Variants in RCCD1 observed in about 807,000 individuals in gnomAD.
RCCD1 encodes RCC1 domain-containing protein 1.
A neutral mutation model predicts 37.6 loss-of-function variants in RCCD1; 40 were observed. That is an observed-to-expected ratio of 1.06 (90% CI 0.83 to 1.39). The LOEUF is 1.39. Ranked by LOEUF, RCCD1 falls within the 40% of genes most tolerant of loss-of-function variation. RCCD1 has a pLI of 0.00. For synonymous variants in RCCD1, 263 were observed against 230.0 expected, an observed-to-expected ratio of 1.14 and a Z score of -1.30; for missense variants, 577 against 517.3, an observed-to-expected ratio of 1.12 and a Z score of -1.12.
At chr15:90,957,794 T>C in intron 4 of RCCD1, 69 bp downstream of exon 4, 1 of 1,536,330 alleles carries the variant, frequency 6.5e-7, no homozygotes, top group Non-Finnish European at 8.8e-7. Flanking sequence ...GTTTTCCAGT[T>C]TGGGTGGGGG....
rs1475599728 is a variant in RCCD1 at position 90,956,826 on chromosome 15, G to GCCC, written c.94_96dup (p.Pro32dup). ...TCCGGACGCGGGCGCCAGGTGCACAGCCCCAGTCCGCTGCGGGCGGGCGTC... is the reference window on the plus strand; with the variant it reads ...TCCGGACGCGGGCGCCAGGTGCACAGCCCCCCCAGTCCGCTGCGGGCGGGCGTC... On this transcript the variant is annotated inframe_insertion, in exon 2 of 8. Transcript: ENST00000394258. The GCCC allele has an allele frequency of 1.5e-6, 2 of 1,302,636 alleles. No homozygotes were observed. Among genetic ancestry groups the GCCC allele is most frequent in the Non-Finnish European group, 1.9e-6 (2 of 1,025,714 alleles). The allele number at this position is 1,302,636 out of a possible 1,614,324, so 80.7% of individuals were successfully genotyped here. A position where few individuals can be genotyped will look rare whatever the true frequency, so the allele number is the denominator to read the frequency against.
At position 90,960,465 on chromosome 15, in the gene RCCD1, A is replaced by T; in HGVS notation, c.916A>T (p.Ser306Cys). The T allele has an allele frequency of 6.2e-7, 1 of 1,612,254 alleles. No individual in the cohort carries two copies. The change falls in exon 6 of 8, where the codon AGC (serine) becomes TGC (cysteine). Residue 306 changes from serine to cysteine, a missense_variant. Coordinates refer to ENST00000394258, the MANE Select transcript of RCCD1 (RefSeq NM_001017919.2). Reference protein sequence around the residue: ...LPMGSDAVKASCGSRHTAVVT... With the variant: ...LPMGSDAVKACCGSRHTAVVT... ...CATGGGCTCAGATGCAGTCAAGGCC[A>T]GCTGTGGATCCCGGCACACAGCTGT...
chr15:90,960,557 T>C (rs1245770453), intron 6 of RCCD1, 59 bp downstream of exon 6: 6 of 1,523,490 alleles, frequency 3.9e-6, no homozygotes, highest in African/African-American at 1.4e-5. Context: ...GAAGGGGGTG[T>C]GGTCGACGGA....
At chr15:90,957,770 A>G in intron 4 of RCCD1, 45 bp downstream of exon 4, 1 of 1,551,382 alleles carries the variant, frequency 6.4e-7, no homozygotes, top group Non-Finnish European at 8.7e-7. Flanking sequence ...GATCTTGTGC[A>G]AACCTTCCTC....
rs1207915792 is a variant in RCCD1, at chr15:90,956,913, C to T, written c.166+13C>T. ...GCTTTCGTGACCCGTGAGCACTCCC[C>T]GCCCCGTCCCCACTTATTCCAGCCG... On this transcript the variant is annotated intron_variant, in intron 2 of 7. Coordinates refer to ENST00000394258, the MANE Select transcript of RCCD1 (RefSeq NM_001017919.2). 3.1e-6 allele frequency: 4 copies of T among 1,279,956 alleles called. No individual in the cohort carries two copies. The highest frequency in any genetic ancestry group is 3.0e-6 in the Non-Finnish European group (3 of 1,015,176). The allele number at this position is 1,279,956 out of a possible 1,614,324, so 79.3% of individuals were successfully genotyped here.
At chr15:90,958,401 A>C (rs1373909105) in intron 4 of RCCD1, among the ~76,000 whole-genome samples, 3 of 151,940 alleles carry the variant, frequency 2.0e-5, no homozygotes, top group Admixed American at 2.0e-4. Flanking sequence ...GGCCGAGGTG[A>C]GTGGATCACG....
chr15:90,961,328 A>G (rs2037310477), intron 7 of RCCD1: 1 of 583,132 alleles, frequency 1.7e-6, no homozygotes, highest in Non-Finnish European at 3.0e-6. Flanking sequence ...CTTACAAAGC[A>G]GCTTTTTGTG....
chr15:90,960,913 C>G (rs2037302021), intron 6 of RCCD1, 112 bp from the exon 7 acceptor site: 1 of 979,920 alleles, frequency 1.0e-6, no homozygotes, highest in African/African-American at 1.6e-5. Context: ...CCATGCCAGG[C>G]AGATCTCATG....
chr15:90,961,018 C>T lies in RCCD1; in HGVS notation c.950-7C>T. 6.3e-7 allele frequency: 1 copy of T among 1,590,188 alleles called. No individual in the cohort carries two copies. Reference sequence around the variant, plus strand: ...GTGACAACTATCGATTGTCCTTTTGCTTTCAGGAACAGGGGAGCTCTACAC... The same window carrying T: ...GTGACAACTATCGATTGTCCTTTTGTTTTCAGGAACAGGGGAGCTCTACAC... On this transcript the variant is annotated splice_region_variant and splice_polypyrimidine_tract_variant and intron_variant, in intron 6 of 7. Coordinates refer to ENST00000394258, the MANE Select transcript of RCCD1 (RefSeq NM_001017919.2).
At chr15:90,960,286 C>G in intron 5 of RCCD1, 42 bp from the exon 6 acceptor site, 1 of 1,547,326 alleles carries the variant, frequency 6.5e-7, no homozygotes, top group Non-Finnish European at 8.8e-7. Flanking sequence ...AGATTTAGCT[C>G]AGGGCTCAGT....
rs771763457 is a variant in RCCD1, at chr15:90,957,585, G to T, written c.558-19G>T. The T allele has an allele frequency of 3.1e-6, 5 of 1,613,876 alleles. No homozygotes were observed. Among genetic ancestry groups the T allele is most frequent in the South Asian group, 1.1e-5 (1 of 91,076 alleles). The stretch of plus-strand genomic sequence containing the variant: ...ACCCCTTAATGCGACTGTAGCTGAC[G>T]ACGGTCTCCCTTGCTCAGGCATGGA... On this transcript the variant is annotated intron_variant, in intron 3 of 7. Coordinates refer to ENST00000394258, the MANE Select transcript of RCCD1 (RefSeq NM_001017919.2).
chr15:90,961,532 C>A, intron 7 of RCCD1, 86 bp from the exon 8 acceptor site: 1 of 1,437,406 alleles, frequency 7.0e-7, no homozygotes, highest in Non-Finnish European at 9.4e-7. Flanking sequence ...CCCAGCACTT[C>A]ATTTGATAGT....
chr15:90,960,848 G>T, intron 6 of RCCD1, 177 bp from the exon 7 acceptor site: 1 of 708,828 alleles, frequency 1.4e-6, no homozygotes, highest in Non-Finnish European at 2.5e-6. Flanking sequence ...TTTTTCCCTC[G>T]GGATCCTCTG....
At position 90,961,614 on chromosome 15, in the gene RCCD1, T is replaced by G; in HGVS notation, c.980-4T>G. On this transcript the variant is annotated splice_polypyrimidine_tract_variant and splice_region_variant and intron_variant, in intron 7 of 7. Transcript: ENST00000394258. ...CGATGGCAAAGGGGCTGATTTCACT[T>G]TAGGTAAATATGGACAGCTGGGCCA... The G allele has an allele frequency of 6.2e-7, 1 of 1,610,494 alleles. No individual in the cohort carries two copies. Among genetic ancestry groups the G allele is most frequent in the East Asian group, 2.2e-5 (1 of 44,822 alleles).
At chr15:90,961,124 G>T in intron 7 of RCCD1, 70 bp downstream of exon 7, 1 of 1,482,288 alleles carries the variant, frequency 6.7e-7, no homozygotes. Context: ...CAGGGCAGGT[G>T]ACAAAGCCAA....
intron 7 of RCCD1, 92 bp downstream of exon 7, chr15:90,961,146 G>C: frequency 3.1e-6 from 4 of 1,290,052 alleles, no homozygotes; most frequent in Non-Finnish European, 4.4e-6. Flanking sequence ...AAGACTGGAG[G>C]AAGCAGGGGC....
chr15:90,957,388 G>T lies in RCCD1; in HGVS notation c.442G>T (p.Ala148Ser). Residue 148 changes from alanine (A) to serine (S), a missense_variant, in exon 3 of 8, where the codon GCG (alanine) becomes TCG (serine). Ala to Ser is a moderately conservative substitution (Grantham distance 99). Transcript: ENST00000394258. The stretch of plus-strand genomic sequence containing the variant: ...CGCCCGTGCCTACGTGAGCCCGCGG[G>T]CGCCCTTCTACCGGCCTCTGGCTCC... The part of the protein sequence containing the change: ...PCARAYVSPR[A>S]PFYRPLAPEL... 1 of 1,543,754 alleles carries T rather than the reference G, an allele frequency of 6.5e-7. No individual in the cohort carries two copies. The highest frequency in any genetic ancestry group is 8.7e-7 in the Non-Finnish European group (1 of 1,146,036).
In RCCD1 at chr15:90,957,647, C is replaced by A. The variant is rs746579731; in HGVS notation, c.601C>A (p.Pro201Thr). Residue 201 changes from proline to threonine, a missense_variant, in exon 4 of 8, where the codon CCA (proline) becomes ACA (threonine). Coordinates refer to ENST00000394258, the MANE Select transcript of RCCD1 (RefSeq NM_001017919.2). ...TGGGACCCTGGAGGCAGAGCTGGAG[C>A]CACGGCTGTTGGAGGCGTTGCAGGG... Reference protein sequence around the residue: ...GHGTLEAELEPRLLEALQGLV... With the variant: ...GHGTLEAELETRLLEALQGLV... 5.3e-5 allele frequency: 85 copies of A among 1,614,046 alleles called. No individual in the cohort carries two copies. Among genetic ancestry groups the A allele is most frequent in the Non-Finnish European group, 6.9e-5 (81 of 1,180,016 alleles).
rs745811931 is a variant in RCCD1, at chr15:90,956,889, C to A, written c.155C>A (p.Ala52Asp). 1 of 1,287,410 alleles carries A rather than the reference C, an allele frequency of 7.8e-7. No individual in the cohort carries two copies. The highest frequency in any genetic ancestry group is 9.8e-7 in the Non-Finnish European group (1 of 1,017,692). 79.7% of individuals were successfully genotyped at this position (1,287,410 alleles called of 1,614,324 possible). A position where few individuals can be genotyped will look rare whatever the true frequency, so the allele number is the denominator to read the frequency against. ...GTGAGCGCGAGCTGGAGCTACACCG[C>A]TTTCGTGACCCGTGAGCACTCCCCG... is the stretch of plus-strand genomic sequence containing the variant. Reference protein sequence around the residue: ...CRVSASWSYTAFVTRGGRLEL... With the variant: ...CRVSASWSYTDFVTRGGRLEL... The change falls in exon 2 of 8, where the codon GCT (alanine) becomes GAT (aspartate). Residue 52 changes from alanine (A) to aspartate (D), a missense_variant. Physicochemically the swap from Ala to Asp is moderately radical, Grantham distance 126. Coordinates refer to ENST00000394258, the MANE Select transcript of RCCD1 (RefSeq NM_001017919.2).
Sources: gnomAD v4.1 joint callset for allele counts (sites outside exome capture counted in the v4.1 genomes callset) on GRCh38, gnomAD v4.1.1 for gene constraint, MANE v1.5 for transcripts, NCBI Gene and HGNC (gene_info 2026-07-23, HGNC 2026-07-21) for gene names.